MILR1: variants seen among roughly 807,000 people sequenced by gnomAD.
MILR1 encodes allergin-1.
In MILR1, 31 loss-of-function variants were observed where a neutral mutation model predicts 18.5. The ratio of observed to expected loss-of-function variants is 1.68; its 90% CI spans 1.26 to 2.26. The LOEUF is 2.26. Among genes scored for constraint, MILR1 ranks in the 30% most tolerant of loss-of-function variants. The pLI is 0.00. For synonymous variants in MILR1, 85 were observed against 56.2 expected, an observed-to-expected ratio of 1.51 and a Z score of -2.30; for missense variants, 257 against 157.4, an observed-to-expected ratio of 1.63 and a Z score of -3.38.
chr17:64,449,147 G>A lies in MILR1; in HGVS notation c.-22G>A, dbSNP rs2037109060. The A allele has an allele frequency of 1.1e-5, 5 of 466,250 alleles. No homozygotes were observed. The highest frequency in any genetic ancestry group is 2.0e-5 in the Non-Finnish European group (5 of 254,484). 28.9% of individuals were successfully genotyped at this position (466,250 alleles called of 1,614,324 possible). A position where few individuals can be genotyped will look rare whatever the true frequency, so the allele number is the denominator to read the frequency against. On this transcript the variant is annotated 5_prime_UTR_variant, in exon 1 of 10. Transcript: ENST00000619286. ...TGGTTCTACTATGCCTTCTGACCCC[G>A]TCTTGGACTTCAACTGGGAGAATGT...
At chr17:64,466,397 C>T (rs1555663181) in intron 6 of MILR1, 45 bp from the exon 7 acceptor site, 1 of 1,571,742 alleles carries the variant, frequency 6.4e-7, no homozygotes, top group Admixed American at 1.8e-5. Context: ...CCTTTTCTAA[C>T]ACAAACGCCA....
intron 9 of MILR1, 40 bp from the exon 10 acceptor site, chr17:64,468,270 C>T (rs1555663870): frequency 2.2e-6 from 1 of 455,812 alleles, no homozygotes; most frequent in Admixed American, 2.4e-5. Context: ...TTCACGTGGC[C>T]TTTTATATTC....
chr17:64,458,399 G>A (rs1338902816), intron 4 of MILR1, among the ~76,000 whole-genome samples: 1 of 151,806 alleles, frequency 6.6e-6, no homozygotes, highest in African/African-American at 2.4e-5. Context: ...TTTCAGTAGA[G>A]ACGGGTTTTC....
the MILR1 span, chr17:64,481,430 G>C: frequency 1.0e-6 from 1 of 984,994 alleles, no homozygotes. Flanking sequence ...CAGAAATGAC[G>C]ACTGCTGAAG....
At chr17:64,450,173 C>T (rs1042678249) in intron 2 of MILR1, among the ~76,000 whole-genome samples, 6 of 152,072 alleles carry the variant, frequency 3.9e-5, no homozygotes, top group Admixed American at 1.3e-4. Context: ...CTCCTGACCT[C>T]GTGATCCGCC....
intron 8 of MILR1, among the ~76,000 whole-genome samples, chr17:64,467,008 TTC>T (rs1261555675): frequency 9.4e-5 from 14 of 148,760 alleles, no homozygotes; most frequent in Admixed American, 8.6e-4. Context: ...TCTTTATTTT[TTC>T]TTTTTCTTTC....
chr17:64,471,990 T>C (rs1555664663), downstream of MILR1, among the ~76,000 whole-genome samples: 1 of 152,100 alleles, frequency 6.6e-6, no homozygotes, highest in East Asian at 1.9e-4. Context: ...ACAACAAAAT[T>C]AATTCTGATA....
At position 64,452,741 on chromosome 17, in the gene MILR1, G is replaced by A. The variant is rs2037202076; in HGVS notation, c.242G>A (p.Gly81Glu). ...AAGACACACCTGGGAACCCAGGATG[G>A]AAAAGGTGAACCTGCGATTTTTAAC... ...RRKTHLGTQD[G>E]KGEPAIFNLS... The change falls in exon 3 of 10, where the codon GGA (glycine) becomes GAA (glutamate). Residue 81 changes from glycine to glutamate, a missense_variant. Transcript: ENST00000619286. The A allele has an allele frequency of 4.2e-6, 2 of 475,172 alleles. No individual in the cohort carries two copies. The highest frequency in any genetic ancestry group is 7.7e-6 in the Non-Finnish European group (2 of 259,026). 29.4% of individuals were successfully genotyped at this position (475,172 alleles called of 1,614,324 possible).
chr17:64,483,682 A>G, the MILR1 span, among the ~76,000 whole-genome samples: 1 of 147,984 alleles, frequency 6.8e-6, no homozygotes, highest in African/African-American at 2.5e-5. Flanking sequence ...CTTTTTATAT[A>G]TATTTTTTTG....
chr17:64,449,796 A>C (rs974579683), intron 2 of MILR1, among the ~76,000 whole-genome samples: 11 of 152,128 alleles, frequency 7.2e-5, no homozygotes, highest in East Asian at 1.9e-4. Context: ...AAATAAAAAA[A>C]CCCACAGAAT....
chr17:64,482,911 T>TA, the MILR1 span: 177,109 of 1,474,986 alleles, frequency 0.12, 21,512 homozygotes, highest in African/African-American at 0.62. Flanking sequence ...TAAACTCATT[T>TA]AACTCACCTG....
rs782498252 is a variant in MILR1, at chr17:64,466,574, A to C, written c.911-20A>C. On this transcript the variant is annotated intron_variant, in intron 7 of 9. Coordinates refer to ENST00000619286, the MANE Select transcript of MILR1 (RefSeq NM_001085423.2). ...TCACATAATTGGCCCAATAATTCCT[A>C]TTCCTTATCTTTTGCCCAGAGGCCA... 5.0e-6 allele frequency: 8 copies of C among 1,611,074 alleles called. No homozygotes were observed. The highest frequency in any genetic ancestry group is 6.8e-6 in the Non-Finnish European group (8 of 1,178,670).
chr17:64,458,868 G>C (rs2037360953), intron 4 of MILR1, among the ~76,000 whole-genome samples: 62 of 152,264 alleles, frequency 4.1e-4, no homozygotes, highest in Non-Finnish European at 5.9e-5. Context: ...CCCACAGTAA[G>C]GGTATGAGCA....
At chr17:64,467,828 G>A (rs879970307) in intron 9 of MILR1, 183 bp downstream of exon 9, 28 of 444,074 alleles carry the variant, frequency 6.3e-5, no homozygotes, top group African/African-American at 2.0e-4. Context: ...CCAGCTACTC[G>A]GGAGGCTGAG....
rs1004269564 is a variant in MILR1 at position 64,463,765 on chromosome 17, C to G, written c.764-1687C>G. On this transcript the variant is annotated intron_variant, in intron 5 of 9. Coordinates refer to ENST00000619286, the MANE Select transcript of MILR1 (RefSeq NM_001085423.2). Reference sequence around the variant, plus strand: ...ACCATAGCTCACTGTAACCTCCCACCTTAGCCTCCCTAGTAGCTGGGAATA... The same window carrying G: ...ACCATAGCTCACTGTAACCTCCCACGTTAGCCTCCCTAGTAGCTGGGAATA... Among the ~76,000 whole-genome samples, 58 of 150,716 alleles carry G rather than the reference C, an allele frequency of 3.8e-4. 1 individual carries two copies. Among genetic ancestry groups the G allele is most frequent in the East Asian group, 3.3e-3 (17 of 5,096 alleles).
chr17:64,464,180 G>T (rs2037496928), intron 5 of MILR1, among the ~76,000 whole-genome samples: 1 of 146,356 alleles, frequency 6.8e-6, no homozygotes, highest in African/African-American at 2.6e-5. Flanking sequence ...CTGGAGTGCG[G>T]TGGTGCAATC....
At chr17:64,461,974 T>C (rs2037441615) in intron 5 of MILR1, among the ~76,000 whole-genome samples, 1 of 152,238 alleles carries the variant, frequency 6.6e-6, no homozygotes, top group Non-Finnish European at 1.5e-5. Context: ...TGTCCCATTG[T>C]ACATAAATAC....
At chr17:64,476,923 C>T in the MILR1 span, among the ~76,000 whole-genome samples, 4 of 151,772 alleles carry the variant, frequency 2.6e-5, no homozygotes, top group Non-Finnish European at 2.9e-5. Flanking sequence ...CAGGCACTAT[C>T]AGTTGGAATT....
At chr17:64,486,134 G>A in the MILR1 span, among the ~76,000 whole-genome samples, 1 of 152,158 alleles carries the variant, frequency 6.6e-6, no homozygotes, top group African/African-American at 2.4e-5. Context: ...GGTAGGCACT[G>A]GGCCCACGAA....
Sources: gnomAD v4.1 joint callset for allele counts (sites outside exome capture counted in the v4.1 genomes callset) on GRCh38, gnomAD v4.1.1 for gene constraint, MANE v1.5 for transcripts, NCBI Gene and HGNC (gene_info 2026-07-23, HGNC 2026-07-21) for gene names.